Variants in LMX1B observed in about 807,000 individuals in gnomAD.
LMX1B encodes the protein LIM homeobox transcription factor 1-beta.
A neutral mutation model predicts 51.4 loss-of-function variants in LMX1B; 12 were observed. The observed-to-expected ratio is 0.23, with a 90% confidence interval of 0.15 to 0.38. LMX1B has a LOEUF of 0.38. Among genes scored for constraint, LMX1B ranks in the 10% least tolerant of loss-of-function variants. The probability of loss-of-function intolerance (pLI) is 1.00; values close to 1 mark genes in which losing one functional copy is unlikely to be tolerated. For missense variants in LMX1B, 445 were observed against 571.1 expected (o/e 0.78, Z 2.25); for synonymous variants, 237 against 235.4 (o/e 1.01, Z -0.06).
intron 2 of LMX1B, among the ~76,000 whole-genome samples, chr9:126,624,761 C>A (rs1297248244): frequency 6.6e-6 from 1 of 151,110 alleles, no homozygotes; most frequent in Non-Finnish European, 1.5e-5. Context: ...GTGGAGATTT[C>A]GAACAAAGAC....
intron 2 of LMX1B, among the ~76,000 whole-genome samples, chr9:126,617,834 CT>C (rs1319619528): frequency 1.4e-5 from 2 of 145,324 alleles, no homozygotes; most frequent in Admixed American, 7.3e-5. Flanking sequence ...CAGTTCATTC[CT>C]CCACCCTCAT....
chr9:126,615,239 G>T lies in LMX1B; in HGVS notation c.140-144G>T. 3.0e-6 allele frequency: 1 copy of T among 330,324 alleles called. No homozygotes were observed. Among genetic ancestry groups the T allele is most frequent in the Non-Finnish European group, 4.7e-6 (1 of 210,546 alleles). 20.5% of individuals were successfully genotyped at this position (330,324 alleles called of 1,614,324 possible). ...GCCGGGGCCGCCCGGCCCCTGGCGC[G>T]GCGGTCCGGGGAGCGCAGGCGGCAG... On this transcript the variant is annotated intron_variant, in intron 1 of 7. Coordinates refer to ENST00000373474, the MANE Select transcript of LMX1B (RefSeq NM_001174147.2). This position sits in a 1 kb window ranked among gnomAD's most constrained non-coding sequence, Gnocchi z 6.0.
At chr9:126,643,177 G>A (rs907535327) in intron 2 of LMX1B, among the ~76,000 whole-genome samples, 1 of 152,158 alleles carries the variant, frequency 6.6e-6, no homozygotes, top group African/African-American at 2.4e-5. Context: ...AGGCTGGGGG[G>A]CAGTTCTCCA....
At chr9:126,645,658 C>T (rs1835886877) in intron 2 of LMX1B, among the ~76,000 whole-genome samples, 1 of 152,166 alleles carries the variant, frequency 6.6e-6, no homozygotes, top group Non-Finnish European at 1.5e-5. Context: ...GGTGGAAGAC[C>T]TGCCCTCCAG....
At chr9:126,691,157 C>T in intron 3 of LMX1B, 89 bp downstream of exon 3, 1 of 973,448 alleles carries the variant, frequency 1.0e-6, no homozygotes. Flanking sequence ...GAAGCCACCT[C>T]CTGCTTCCAG....
rs547521956 is a variant in LMX1B at position 126,692,953 on chromosome 9, G to A, written c.560-189G>A. 3.3e-5 allele frequency among the ~76,000 whole-genome samples: 5 copies of A among 152,324 alleles called. No homozygotes were observed. In the South Asian group the frequency reaches 1.0e-3, roughly 32 times the overall value. The stretch of plus-strand genomic sequence containing the variant: ...GCAGGGTACAGCAGGCAGGAGACCA[G>A]GGCCCAGATGAGGTAGGGCCTGTGG... On this transcript the variant is annotated intron_variant, in intron 3 of 7. Coordinates refer to ENST00000373474, the MANE Select transcript of LMX1B (RefSeq NM_001174147.2).
Position 126,642,202 on chromosome 9 carries a change from G to A in LMX1B, c.326+26633G>A, listed in dbSNP as rs112754506. 1.6e-3 allele frequency among the ~76,000 whole-genome samples: 241 copies of A among 152,258 alleles called. 2 individuals are homozygous for A. The highest frequency in any genetic ancestry group is 2.3e-3 in the Non-Finnish European group (154 of 68,010). ...TGCTACAACAGGGCCTGGCACACCC[G>A]GGCCTGGGAAAGATTCCTGAGCACG... On this transcript the variant is annotated intron_variant, in intron 2 of 7. Transcript: ENST00000373474.
intron 2 of LMX1B, among the ~76,000 whole-genome samples, chr9:126,654,081 C>T (rs1302331401): frequency 1.3e-5 from 2 of 152,176 alleles, no homozygotes; most frequent in African/African-American, 2.4e-5. Flanking sequence ...TGGAATATGC[C>T]GCTGCTGGGG....
intron 2 of LMX1B, among the ~76,000 whole-genome samples, chr9:126,638,731 G>GC (rs1835758711): frequency 6.6e-6 from 1 of 152,194 alleles, no homozygotes; most frequent in Admixed American, 6.5e-5. Flanking sequence ...TTCGGAGCGC[G>GC]CTCCGATCTC....
At chr9:126,634,612 C>A (rs921335345) in intron 2 of LMX1B, among the ~76,000 whole-genome samples, 3 of 151,450 alleles carry the variant, frequency 2.0e-5, no homozygotes, top group African/African-American at 4.8e-5. Flanking sequence ...ACCCCCCCCA[C>A]AATGCCACAT....
chr9:126,643,960 A>C (rs887044818), intron 2 of LMX1B, among the ~76,000 whole-genome samples: 6 of 152,198 alleles, frequency 3.9e-5, no homozygotes, highest in Admixed American at 6.5e-5. Flanking sequence ...TGACTTGCCA[A>C]GGTCTCACAG....
At chr9:126,666,110 C>T (rs1461783724) in intron 2 of LMX1B, among the ~76,000 whole-genome samples, 1 of 152,252 alleles carries the variant, frequency 6.6e-6, no homozygotes, top group African/African-American at 2.4e-5. Context: ...GCCTATTTTA[C>T]AGATGGGAAA....
chr9:126,655,571 C>T lies in LMX1B; in HGVS notation c.327-35265C>T, dbSNP rs887533610. 2.6e-5 allele frequency among the ~76,000 whole-genome samples: 4 copies of T among 152,096 alleles called. No individual in the cohort carries two copies. The South Asian group carries it at 6.2e-4, about 24-fold the overall frequency. On this transcript the variant is annotated intron_variant, in intron 2 of 7. Transcript: ENST00000373474. ...GGAGAGGTTTCTCCTGTTTTGTTCA[C>T]GGATGTATTCTTAGACCCAGAGCAA... is the stretch of plus-strand genomic sequence containing the variant.
intron 2 of LMX1B, among the ~76,000 whole-genome samples, chr9:126,624,987 C>T (rs776506495): frequency 1.2e-4 from 19 of 152,324 alleles, no homozygotes; most frequent in South Asian, 8.3e-4. Flanking sequence ...GTCACGAACA[C>T]AAGTACCTAG....
Position 126,696,805 on chromosome 9 carries a change from T to G in LMX1B, c.*354T>G, listed in dbSNP as rs776089558. 1 of 358,096 alleles carries G rather than the reference T, an allele frequency of 2.8e-6. No homozygotes were observed. Among genetic ancestry groups the G allele is most frequent in the Non-Finnish European group, 5.3e-6 (1 of 188,336 alleles). The allele number at this position is 358,096 out of a possible 1,614,324, so 22.2% of individuals were successfully genotyped here. A position where few individuals can be genotyped will look rare whatever the true frequency, so the allele number is the denominator to read the frequency against. On this transcript the variant is annotated 3_prime_UTR_variant, in exon 8 of 8. Coordinates refer to ENST00000373474, the MANE Select transcript of LMX1B (RefSeq NM_001174147.2). ...TCTATTTTTTTAAATGTCCTCTCTG[T>G]GTCCATGGCCCTCCATGCAAGCCCC...
intron 2 of LMX1B, among the ~76,000 whole-genome samples, chr9:126,660,715 TG>T (rs1406009635): frequency 6.6e-6 from 1 of 152,160 alleles, no homozygotes; most frequent in Non-Finnish European, 1.5e-5. Context: ...TGTGAACCCT[TG>T]GGGTGATCTC....
At position 126,696,495 on chromosome 9, in the gene LMX1B, G is replaced by T. The variant is rs773048475; in HGVS notation, c.*44G>T. ...GACGCTTGGGCAGGGGCCTGGGGGG[G>T]ACTGCCAGCCTCTGCGGCCAGCCTG... is the stretch of plus-strand genomic sequence containing the variant. On this transcript the variant is annotated 3_prime_UTR_variant, in exon 8 of 8. Coordinates refer to ENST00000373474, the MANE Select transcript of LMX1B (RefSeq NM_001174147.2). The T allele has an allele frequency of 1.6e-5, 25 of 1,608,930 alleles. 1 individual carries two copies. The highest frequency in any genetic ancestry group is 4.5e-5 in the East Asian group (2 of 44,804).
intron 2 of LMX1B, among the ~76,000 whole-genome samples, chr9:126,674,864 T>C (rs1441499986): frequency 6.6e-6 from 1 of 152,174 alleles, no homozygotes; most frequent in Admixed American, 6.5e-5. Context: ...CCACAAATGA[T>C]CTTTAAAAAA....
chr9:126,644,198 A>C (rs1390208498), intron 2 of LMX1B, among the ~76,000 whole-genome samples: 1 of 152,170 alleles, frequency 6.6e-6, no homozygotes, highest in Non-Finnish European at 1.5e-5. Flanking sequence ...TATCTGCTGA[A>C]GTCGTTTCCC....
Sources: allele counts gnomAD v4.1 joint callset (sites outside exome capture counted in the v4.1 genomes callset), GRCh38; gene constraint gnomAD v4.1.1; non-coding constraint Gnocchi (gnomAD v3.1); transcripts MANE v1.5; gene names NCBI Gene and HGNC (gene_info 2026-07-23, HGNC 2026-07-21).